Variants in BOLL observed in about 807,000 individuals in gnomAD.
BOLL encodes protein boule-like.
Under a neutral mutation model 44.4 loss-of-function variants are expected in BOLL, and 23 were observed. That is an observed-to-expected ratio of 0.52 (90% CI 0.37 to 0.73). BOLL has a LOEUF of 0.73. Ranked by LOEUF, BOLL falls within the 30% of genes least tolerant of loss-of-function variation. BOLL has a pLI of 0.00. For missense variants in BOLL, 287 were observed against 338.3 expected (o/e 0.85, Z 1.19); for synonymous variants, 97 against 110.8 (o/e 0.88, Z 0.78).
chr2:197,728,357 T>C lies in BOLL; in HGVS notation c.*198A>G. On this transcript the variant is annotated 3_prime_UTR_variant, in exon 11 of 11. Coordinates refer to ENST00000392296, the MANE Select transcript of BOLL (RefSeq NM_033030.6). ...CAACATGCCACATCTACCTAAATAA[T>C]TTTGTAGAACAGCTGAAAAAGCAAA... The C allele has an allele frequency of 5.1e-6, 4 of 780,730 alleles. No homozygotes were observed. Among genetic ancestry groups the C allele is most frequent in the Non-Finnish European group, 8.1e-6 (4 of 493,440 alleles). 48.4% of individuals were successfully genotyped at this position (780,730 alleles called of 1,614,324 possible).
Position 197,746,762 on chromosome 2 carries a change from T to C in BOLL, c.730-3603A>G, listed in dbSNP as rs574981780. On this transcript the variant is annotated intron_variant, in intron 9 of 10. Coordinates refer to ENST00000392296, the MANE Select transcript of BOLL (RefSeq NM_033030.6). The stretch of plus-strand genomic sequence containing the variant: ...TAAAAATATAAAAATTAGCCCGGCA[T>C]GGTGGTGTGCGCCTGTAGTCCCAGC... Among the ~76,000 whole-genome samples, 93 of 152,068 alleles carry C rather than the reference T, an allele frequency of 6.1e-4. 1 individual carries two copies. Among genetic ancestry groups the C allele is most frequent in the African/African-American group, 2.2e-3 (92 of 41,458 alleles).
intron 10 of BOLL, among the ~76,000 whole-genome samples, chr2:197,732,348 C>T (rs1397049354): frequency 6.6e-6 from 1 of 152,102 alleles, no homozygotes; most frequent in East Asian, 1.9e-4. Flanking sequence ...AGTCCAGGAC[C>T]AGATGGATTC....
At chr2:197,779,508 G>C (rs1689670473) in intron 2 of BOLL, among the ~76,000 whole-genome samples, 1 of 151,890 alleles carries the variant, frequency 6.6e-6, no homozygotes, top group Non-Finnish European at 1.5e-5. Context: ...TTAATCAGTA[G>C]TCTCAGGAAC....
At chr2:197,754,150 C>G (rs564326758) in intron 9 of BOLL, among the ~76,000 whole-genome samples, 1 of 151,626 alleles carries the variant, frequency 6.6e-6, no homozygotes, top group Admixed American at 6.6e-5. Context: ...GTCGGGGGCA[C>G]GGGGAGGGAT....
At position 197,728,125 on chromosome 2, in the gene BOLL, A is replaced by T. The variant is rs998344755; in HGVS notation, c.*430T>A. The stretch of plus-strand genomic sequence containing the variant: ...TAAAATATATGAAAGTATTAAAAGT[A>T]TTATAATTAAAAATGATTCTTATCC... On this transcript the variant is annotated 3_prime_UTR_variant, in exon 11 of 11. Transcript: ENST00000392296. 6 of 205,040 alleles carry T rather than the reference A, an allele frequency of 2.9e-5. No homozygotes were observed. The highest frequency in any genetic ancestry group is 5.8e-5 in the Non-Finnish European group (6 of 103,326). 12.7% of individuals were successfully genotyped at this position (205,040 alleles called of 1,614,324 possible).
intron 2 of BOLL, among the ~76,000 whole-genome samples, chr2:197,781,037 T>C (rs1689753021): frequency 6.6e-6 from 1 of 151,914 alleles, no homozygotes; most frequent in African/African-American, 2.4e-5. Flanking sequence ...TTTAAAAAAC[T>C]TTTATTTTAA....
chr2:197,785,332 C>G (rs1002210581), upstream of BOLL: 18 of 985,744 alleles, frequency 1.8e-5, no homozygotes, highest in Non-Finnish European at 2.0e-5. This position sits in a 1 kb window ranked among gnomAD's most constrained non-coding sequence, Gnocchi z 6.7. Flanking sequence ...TCCCCACCCT[C>G]GCGCGGCGCT....
chr2:197,783,805 T>A (rs1360428369), intron 1 of BOLL, among the ~76,000 whole-genome samples: 1 of 152,206 alleles, frequency 6.6e-6, no homozygotes, highest in Non-Finnish European at 1.5e-5. Flanking sequence ...AGAGATAATA[T>A]AACAGCTCTA....
intron 9 of BOLL, among the ~76,000 whole-genome samples, chr2:197,752,401 C>G (rs1015155159): frequency 5.3e-5 from 8 of 152,136 alleles, no homozygotes; most frequent in Non-Finnish European, 1.2e-4. Flanking sequence ...TTAGAAAACC[C>G]CATCATCTCA....
chr2:197,743,283 T>G (rs1005379820), intron 9 of BOLL, 124 bp from the exon 10 acceptor site: 27 of 544,844 alleles, frequency 5.0e-5, no homozygotes, highest in African/African-American at 4.9e-4. Flanking sequence ...ACACATGCCC[T>G]TATGTTTAAT....
chr2:197,749,582 G>A (rs1688142666), intron 9 of BOLL, among the ~76,000 whole-genome samples: 1 of 151,800 alleles, frequency 6.6e-6, no homozygotes, highest in African/African-American at 2.4e-5. Flanking sequence ...AGAACTTCGT[G>A]AAGCATACAC....
intron 7 of BOLL, among the ~76,000 whole-genome samples, chr2:197,760,130 A>G (rs539505877): frequency 1.3e-5 from 2 of 152,222 alleles, no homozygotes; most frequent in Admixed American, 6.5e-5. Context: ...AGGCCGACCA[A>G]TAGCCCTGTG....
intron 9 of BOLL, among the ~76,000 whole-genome samples, chr2:197,743,461 A>G (rs968202492): frequency 6.6e-6 from 1 of 152,202 alleles, no homozygotes; most frequent in Non-Finnish European, 1.5e-5. Flanking sequence ...CTTGTCCAGC[A>G]GATGGTGGTA....
chr2:197,756,703 A>T (rs1029595700), intron 8 of BOLL, 147 bp from the exon 9 acceptor site: 1 of 632,196 alleles, frequency 1.6e-6, no homozygotes, highest in Admixed American at 3.6e-5. Flanking sequence ...TCAGCAACGG[A>T]TTAGAAACTG....
intron 10 of BOLL, among the ~76,000 whole-genome samples, chr2:197,729,024 C>G (rs955135147): frequency 1.3e-5 from 2 of 152,170 alleles, no homozygotes; most frequent in Admixed American, 6.5e-5. Context: ...GCGTGAGCGA[C>G]GCAGAAGACG....
chr2:197,730,848 G>A (rs1275018623), intron 10 of BOLL, among the ~76,000 whole-genome samples: 72 of 151,884 alleles, frequency 4.7e-4, no homozygotes, highest in Non-Finnish European at 4.4e-4. Context: ...GGTACCAGCC[G>A]CTGCAAAATC....
At chr2:197,733,899 T>A (rs1687340679) in intron 10 of BOLL, among the ~76,000 whole-genome samples, 1 of 152,128 alleles carries the variant, frequency 6.6e-6, no homozygotes. Context: ...GACATAGGCA[T>A]GGGCAAGGAC....
upstream of BOLL, among the ~76,000 whole-genome samples, chr2:197,785,533 C>A (rs2106402886): frequency 6.6e-6 from 1 of 152,280 alleles, no homozygotes; most frequent in Middle Eastern, 3.4e-3. The surrounding 1 kb of genome is among the most constrained non-coding windows in gnomAD (Gnocchi z 6.7). Context: ...CTCAGACCTT[C>A]CGGTCCTCGC....
chr2:197,785,977 A>G, upstream of BOLL: 1 of 1,605,006 alleles, frequency 6.2e-7, no homozygotes, highest in Non-Finnish European at 8.5e-7. The surrounding 1 kb of genome is among the most constrained non-coding windows in gnomAD (Gnocchi z 6.7). Context: ...TGATCGCCGT[A>G]CTCACCGGCC....
Sources: allele counts gnomAD v4.1 joint callset (sites outside exome capture counted in the v4.1 genomes callset), GRCh38; gene constraint gnomAD v4.1.1; non-coding constraint Gnocchi (gnomAD v3.1); transcripts MANE v1.5; gene names NCBI Gene and HGNC (gene_info 2026-07-23, HGNC 2026-07-21).